SPHKAP: variants seen among roughly 807,000 people sequenced by gnomAD.
SPHKAP encodes A-kinase anchor protein SPHKAP.
A neutral mutation model predicts 137.5 loss-of-function variants in SPHKAP; 67 were observed. That is an observed-to-expected ratio of 0.49 (90% confidence interval 0.40 to 0.60). The LOEUF is 0.60. SPHKAP is among the 20% of genes least tolerant of loss of function. The probability of loss-of-function intolerance (pLI) is 0.00; values close to 1 mark genes in which losing one functional copy is unlikely to be tolerated. For synonymous variants in SPHKAP, 813 were observed against 785.3 expected, an observed-to-expected ratio of 1.04 and a Z score of -0.59; for missense variants, 2,097 against 2,069.3, an observed-to-expected ratio of 1.01 and a Z score of -0.26.
chr2:228,142,736 A>G (rs1040797460), intron 1 of SPHKAP, among the ~76,000 whole-genome samples: 3 of 152,178 alleles, frequency 2.0e-5, no homozygotes, highest in East Asian at 1.9e-4. Flanking sequence ...ACAAGGAAAA[A>G]TAGCTACTGA....
rs1407850855 is a variant in SPHKAP, at chr2:228,092,249, ATATG to A, written c.246+16579_246+16582del. Among the ~76,000 whole-genome samples, 475 of 145,138 alleles carry A rather than the reference ATATG, an allele frequency of 3.3e-3. 1 individual carries two copies. Among genetic ancestry groups the A allele is most frequent in the African/African-American group, 0.012 (443 of 38,466 alleles). Reference sequence around the variant, plus strand: ...TATACACACATGTATACACACGTGTATATGTGTGTATACGTACACACACACGTGT... The same window carrying A: ...TATACACACATGTATACACACGTGTATGTGTATACGTACACACACACGTGT... On this transcript the variant is annotated intron_variant, in intron 3 of 11. Transcript: ENST00000392056.
chr2:228,163,955 G>T (rs1252672573), intron 1 of SPHKAP, among the ~76,000 whole-genome samples: 1 of 152,074 alleles, frequency 6.6e-6, no homozygotes, highest in Non-Finnish European at 1.5e-5. Context: ...ATTGTTCTTG[G>T]GTGTGCCTGT....
chr2:228,016,534 A>C lies in SPHKAP; in HGVS notation c.4320T>G (p.Ala1440=), dbSNP rs370848705. The change falls in exon 7 of 12, where the codon GCT becomes GCG. Residue 1440 remains alanine (A), a synonymous_variant. Transcript: ENST00000392056. ...QIETDQREAC[A]GEPEPFLSKS... is the part of the protein sequence containing the mutation. ...TGGAAAGGAAGGGTTCAGGTTCCCC[A>C]GCACAGGCTTCTCTCTGATCTGTTT... 4.8e-5 allele frequency: 77 copies of C among 1,614,030 alleles called. No homozygotes were observed. Among genetic ancestry groups the C allele is most frequent in the Non-Finnish European group, 6.3e-5 (74 of 1,180,032 alleles).
chr2:227,993,567 T>A lies in SPHKAP; in HGVS notation c.4688A>T (p.Tyr1563Phe). Residue 1563 changes from tyrosine to phenylalanine, a missense_variant, in exon 9 of 12, where the codon TAT (tyrosine) becomes TTT (phenylalanine). By Grantham distance (22) the Tyr-to-Phe change is conservative. Transcript: ENST00000392056. ...GGGAGAAGATGGCATGCTTTCCTGA[T>A]AAATGTCCAGATCCATAATGCCAAG... ...SSLGIMDLDI[Y>F]QESMPSSPMI... The A allele has an allele frequency of 6.2e-7, 1 of 1,604,866 alleles. No homozygotes were observed. The highest frequency in any genetic ancestry group is 8.5e-7 in the Non-Finnish European group (1 of 1,175,756).
intron 1 of SPHKAP, 88 bp from the exon 2 acceptor site, chr2:228,132,173 A>G: frequency 9.1e-7 from 1 of 1,100,848 alleles, no homozygotes; most frequent in Non-Finnish European, 1.4e-6. Context: ...AACATGGTGT[A>G]TCAAAAATCA....
Position 228,017,190 on chromosome 2 carries a change from C to A in SPHKAP, c.3664G>T (p.Gly1222Cys), listed in dbSNP as rs539804675. Residue 1222 changes from glycine (G) to cysteine (C), a missense_variant, in exon 7 of 12, where the codon GGC becomes TGC. Coordinates refer to ENST00000392056, the MANE Select transcript of SPHKAP (RefSeq NM_001142644.2). ...SRRSSQDWTA[G>C]LLSPSLRSPV... ...GATCGCAGAGAAGGAGACAGCAGGC[C>A]GGCTGTCCAATCCTGGCTGCTCCGT... 2 of 1,613,812 alleles carry A rather than the reference C, an allele frequency of 1.2e-6. No individual in the cohort carries two copies. The highest frequency in any genetic ancestry group is 1.7e-6 in the Non-Finnish European group (2 of 1,179,964).
chr2:228,091,860 A>C (rs1697747082), intron 3 of SPHKAP, among the ~76,000 whole-genome samples: 1 of 152,128 alleles, frequency 6.6e-6, no homozygotes, highest in South Asian at 2.1e-4. Flanking sequence ...AACAGTGTGG[A>C]GAGTCCTTAA....
chr2:228,019,756 T>TAA lies in SPHKAP; in HGVS notation c.1097_1098insTT (p.Asn367Ter), dbSNP rs1256913431. On this transcript the variant is annotated frameshift_variant, in exon 7 of 12. Transcript: ENST00000392056. LOFTEE classifies it high-confidence loss of function. The stretch of plus-strand genomic sequence containing the variant: ...TTGTGTCTTCATGGTCTCCTGGGTT[T>TAA]AGGTTGCTTCTCTGCTCTGCCACAG... 6.2e-7 allele frequency: 1 copy of TAA among 1,614,190 alleles called. No homozygotes were observed. Among genetic ancestry groups the TAA allele is most frequent in the Admixed American group, 1.7e-5 (1 of 60,026 alleles).
chr2:228,132,362 C>T (rs1240467663), intron 1 of SPHKAP: 1 of 180,802 alleles, frequency 5.5e-6, no homozygotes. Flanking sequence ...TGACTACTGG[C>T]CTTGTTAGCA....
chr2:228,131,353 G>A, intron 2 of SPHKAP: 1 of 970,058 alleles, frequency 1.0e-6, no homozygotes, highest in Non-Finnish European at 1.2e-6. Context: ...AGCATTAGAT[G>A]GGGAACCAGG....
intron 3 of SPHKAP, among the ~76,000 whole-genome samples, chr2:228,033,106 C>T (rs1430956057): frequency 1.3e-5 from 2 of 151,928 alleles, no homozygotes. Flanking sequence ...GAGTCAAGAC[C>T]CATCAGTGTG....
intron 3 of SPHKAP, among the ~76,000 whole-genome samples, chr2:228,075,455 C>T (rs562178033): frequency 1.2e-4 from 19 of 152,056 alleles, no homozygotes; most frequent in Non-Finnish European, 1.5e-5. Flanking sequence ...GTGTTTGGTC[C>T]TTTCTCAGCA....
At chr2:228,073,755 G>A (rs1035616469) in intron 3 of SPHKAP, among the ~76,000 whole-genome samples, 3 of 152,190 alleles carry the variant, frequency 2.0e-5, no homozygotes, top group Admixed American at 6.5e-5. Flanking sequence ...ATCTGCTAAC[G>A]AACAAATCTG....
intron 1 of SPHKAP, among the ~76,000 whole-genome samples, chr2:228,154,731 T>C (rs1235906773): frequency 4.2e-5 from 6 of 142,876 alleles, no homozygotes; most frequent in Non-Finnish European, 7.6e-5. Context: ...TTTTTTTTTT[T>C]TGTATTTTCA....
chr2:228,124,417 G>C (rs890912969), intron 2 of SPHKAP, among the ~76,000 whole-genome samples: 1 of 152,030 alleles, frequency 6.6e-6, no homozygotes, highest in Admixed American at 6.6e-5. Context: ...AAAATGATGA[G>C]TTCATGTCCT....
At chr2:228,001,811 C>T (rs1029319893) in intron 7 of SPHKAP, among the ~76,000 whole-genome samples, 5 of 151,958 alleles carry the variant, frequency 3.3e-5, no homozygotes, top group East Asian at 1.9e-4. Context: ...TGAGTGAGAA[C>T]GTGAAGTGTT....
chr2:228,029,434 C>A (rs1695197088), intron 3 of SPHKAP, among the ~76,000 whole-genome samples: 1 of 151,886 alleles, frequency 6.6e-6, no homozygotes, highest in African/African-American at 2.4e-5. Context: ...TGCTTTAGTC[C>A]CAAAGAATAG....
intron 3 of SPHKAP, among the ~76,000 whole-genome samples, chr2:228,088,261 T>C: frequency 6.6e-6 from 1 of 152,182 alleles, no homozygotes; most frequent in East Asian, 1.9e-4. Flanking sequence ...GGAATATATA[T>C]AGATGTAGTA....
intron 3 of SPHKAP, among the ~76,000 whole-genome samples, chr2:228,048,946 T>C (rs1225274141): frequency 3.9e-5 from 6 of 152,286 alleles, no homozygotes; most frequent in African/African-American, 1.4e-4. Flanking sequence ...ATTCTCAGGA[T>C]GCATTCCTGT....
Sources: allele counts gnomAD v4.1 joint callset (sites outside exome capture counted in the v4.1 genomes callset), GRCh38; gene constraint gnomAD v4.1.1; transcripts MANE v1.5; gene names NCBI Gene and HGNC (gene_info 2026-07-23, HGNC 2026-07-21).